Variants in SH3RF3 observed in about 807,000 individuals in gnomAD.
SH3RF3 encodes E3 ubiquitin-protein ligase SH3RF3.
A neutral mutation model predicts 66.3 loss-of-function variants in SH3RF3; 29 were observed. That is an observed-to-expected ratio of 0.44 (90% CI 0.33 to 0.60). The LOEUF (loss-of-function observed/expected upper bound fraction) is 0.60. SH3RF3 is among the 20% of genes least tolerant of loss of function. The pLI, the probability that SH3RF3 is intolerant of heterozygous loss-of-function variation, is 0.04. For synonymous variants in SH3RF3, 583 were observed against 532.0 expected (o/e 1.10, Z -1.32); for missense variants, 1,194 against 1,190.9 (o/e 1.00, Z -0.04).
chr2:109,408,884 A>G (rs13429531), intron 4 of SH3RF3, among the ~76,000 whole-genome samples: 7,786 of 152,260 alleles, frequency 0.051, 376 homozygotes, highest in African/African-American at 0.12. Flanking sequence ...CCTTCCTACC[A>G]TCAGAGGCAA....
At chr2:109,296,241 A>C (rs75200438) in intron 1 of SH3RF3, among the ~76,000 whole-genome samples, 4,415 of 151,936 alleles carry the variant, frequency 0.029, 222 homozygotes, top group African/African-American at 0.1. Flanking sequence ...TATTATTATT[A>C]TTCGAGATGG....
intron 1 of SH3RF3, among the ~76,000 whole-genome samples, chr2:109,162,207 G>C (rs534722396): frequency 6.6e-6 from 1 of 152,284 alleles, no homozygotes; most frequent in African/African-American, 2.4e-5. Context: ...CTTTATGTGT[G>C]CCTAGGCTTG....
intron 2 of SH3RF3, among the ~76,000 whole-genome samples, chr2:109,356,161 G>A (rs1682940856): frequency 6.6e-6 from 1 of 152,088 alleles, no homozygotes; most frequent in Non-Finnish European, 1.5e-5. Context: ...AGTTAATTAT[G>A]GATTTTTAGG....
intron 1 of SH3RF3, among the ~76,000 whole-genome samples, chr2:109,202,121 CT>C (rs1171449760): frequency 6.6e-6 from 1 of 152,218 alleles, no homozygotes; most frequent in African/African-American, 2.4e-5. Context: ...ACTTTCTCAT[CT>C]TGACAGATCA....
chr2:109,340,058 C>T (rs900111454), intron 1 of SH3RF3, among the ~76,000 whole-genome samples: 2 of 152,126 alleles, frequency 1.3e-5, no homozygotes, highest in Admixed American at 6.5e-5. Flanking sequence ...TCACAGGAGT[C>T]CTGTGAGCAG....
At chr2:109,172,249 G>A (rs977408540) in intron 1 of SH3RF3, among the ~76,000 whole-genome samples, 1 of 152,176 alleles carries the variant, frequency 6.6e-6, no homozygotes, top group Non-Finnish European at 1.5e-5. Context: ...AGTATCAGCC[G>A]CCACAGGGAT....
At chr2:109,267,026 G>A (rs2105307386) in intron 1 of SH3RF3, among the ~76,000 whole-genome samples, 1 of 152,296 alleles carries the variant, frequency 6.6e-6, no homozygotes, top group African/African-American at 2.4e-5. Flanking sequence ...AATACCTGCA[G>A]ACAGAGGTGG....
intron 8 of SH3RF3, among the ~76,000 whole-genome samples, chr2:109,468,948 CA>C (rs1286428672): frequency 2.0e-5 from 3 of 150,742 alleles, no homozygotes; most frequent in African/African-American, 7.3e-5. Flanking sequence ...ACTGCCTTCC[CA>C]GTTAGTGGTG....
At chr2:109,270,109 T>A (rs1680589967) in intron 1 of SH3RF3, among the ~76,000 whole-genome samples, 1 of 152,238 alleles carries the variant, frequency 6.6e-6, no homozygotes, top group Non-Finnish European at 1.5e-5. Flanking sequence ...CCCTCTTCTC[T>A]ACCCAACCAC....
At chr2:109,247,306 T>A (rs543595278) in intron 1 of SH3RF3, among the ~76,000 whole-genome samples, 25 of 152,190 alleles carry the variant, frequency 1.6e-4, no homozygotes, top group Non-Finnish European at 5.9e-5. Context: ...AAGAGCTTTC[T>A]TGAGCCCTTT....
At chr2:109,179,003 A>ATGTGTGTG (rs56236635) in intron 1 of SH3RF3, among the ~76,000 whole-genome samples, 4,262 of 142,080 alleles carry the variant, frequency 0.03, 107 homozygotes, top group African/African-American at 0.057. Flanking sequence ...AAGTATAATA[A>ATGTGTGTG]TGTGTGTGTG....
chr2:109,236,743 T>G (rs1357020635), intron 1 of SH3RF3, among the ~76,000 whole-genome samples: 1 of 152,216 alleles, frequency 6.6e-6, no homozygotes, highest in African/African-American at 2.4e-5. Flanking sequence ...GACTGTTTCC[T>G]GTTTGCAAAC....
chr2:109,369,579 G>A (rs534206721), intron 2 of SH3RF3, among the ~76,000 whole-genome samples: 1 of 152,144 alleles, frequency 6.6e-6, no homozygotes. Context: ...CTGGGGGTTG[G>A]GGGAGAGGAT....
chr2:109,172,824 C>T (rs1263071871), intron 1 of SH3RF3, among the ~76,000 whole-genome samples: 1 of 152,216 alleles, frequency 6.6e-6, no homozygotes, highest in Non-Finnish European at 1.5e-5. Context: ...AGCACGAAGC[C>T]TCGACTGGTG....
At chr2:109,313,249 T>G (rs1681777289) in intron 1 of SH3RF3, among the ~76,000 whole-genome samples, 1 of 152,240 alleles carries the variant, frequency 6.6e-6, no homozygotes, top group Admixed American at 6.5e-5. Context: ...TCAGGATCCC[T>G]ATTCCTCTTC....
intron 1 of SH3RF3, among the ~76,000 whole-genome samples, chr2:109,258,054 A>ATTTG (rs1680262462): frequency 6.6e-6 from 1 of 151,866 alleles, no homozygotes; most frequent in African/African-American, 2.4e-5. Context: ...GCTGACCCTC[A>ATTTG]CAGCCCTGCC....
Position 109,449,229 on chromosome 2 carries a change from A to C in SH3RF3, c.1888A>C (p.Thr630Pro), listed in dbSNP as rs764716359. ...RPTATVSPLR[T>P]QNSPSRLPAT... Reference sequence around the variant, plus strand: ...AACTGCCACCGTGTCACCCCTGCGCACCCAGAACTCTCCATCCCGCCTGCC... The same window carrying C: ...AACTGCCACCGTGTCACCCCTGCGCCCCCAGAACTCTCCATCCCGCCTGCC... The change falls in exon 8 of 10, where the codon ACC becomes CCC. Residue 630 changes from threonine (T) to proline (P), a missense_variant. By Grantham distance (38) the Thr-to-Pro change is conservative (BLOSUM62 -1). Coordinates refer to ENST00000309415, the MANE Select transcript of SH3RF3 (RefSeq NM_001099289.3). The C allele has an allele frequency of 2.8e-5, 45 of 1,612,718 alleles. No homozygotes were observed. Among genetic ancestry groups the C allele is most frequent in the Non-Finnish European group, 3.7e-5 (44 of 1,179,582 alleles).
At chr2:109,175,455 G>A (rs1328699329) in intron 1 of SH3RF3, among the ~76,000 whole-genome samples, 2 of 152,178 alleles carry the variant, frequency 1.3e-5, no homozygotes, top group African/African-American at 4.8e-5. Flanking sequence ...GAAGCTTCAC[G>A]AGTTGGCAGG....
At chr2:109,295,161 C>T (rs1681278791) in intron 1 of SH3RF3, among the ~76,000 whole-genome samples, 1 of 152,244 alleles carries the variant, frequency 6.6e-6, no homozygotes, top group African/African-American at 2.4e-5. Flanking sequence ...GCCTGGCCTG[C>T]AGGTGCCTGC....
Sources: gnomAD v4.1 joint callset for allele counts (sites outside exome capture counted in the v4.1 genomes callset) on GRCh38, gnomAD v4.1.1 for gene constraint, MANE v1.5 for transcripts, NCBI Gene and HGNC (gene_info 2026-07-23, HGNC 2026-07-21) for gene names.